Variants in PLAA observed in about 807,000 individuals in gnomAD.
PLAA encodes the protein phospholipase A-2-activating protein.
A neutral mutation model predicts 84.1 loss-of-function variants in PLAA; 48 were observed. The observed-to-expected ratio is 0.57, with a 90% CI of 0.45 to 0.73. The LOEUF (loss-of-function observed/expected upper bound fraction) is 0.73, where lower values mean the gene tolerates loss of function less well. PLAA is among the 30% of genes least tolerant of loss of function. PLAA has a pLI of 0.00. For synonymous variants in PLAA, 392 were observed against 336.6 expected, an observed-to-expected ratio of 1.16 and a Z score of -1.80; for missense variants, 903 against 954.7, an observed-to-expected ratio of 0.95 and a Z score of 0.71.
At chr9:26,907,080 T>TA (rs952190756) in intron 13 of PLAA, among the ~76,000 whole-genome samples, 8 of 121,714 alleles carry the variant, frequency 6.6e-5, no homozygotes, top group African/African-American at 1.6e-4. Flanking sequence ...ATCAGTGGCA[T>TA]AAAAAAAAAT....
intron 2 of PLAA, among the ~76,000 whole-genome samples, chr9:26,933,485 A>G (rs933641901): frequency 6.6e-6 from 1 of 151,846 alleles, no homozygotes; most frequent in South Asian, 2.1e-4. Flanking sequence ...AAAATAATTT[A>G]AAATAAAAAA....
At chr9:26,937,045 G>A (rs1042543112) in intron 1 of PLAA, among the ~76,000 whole-genome samples, 5 of 152,062 alleles carry the variant, frequency 3.3e-5, no homozygotes, top group East Asian at 1.9e-4. Flanking sequence ...GGAGGCCGAG[G>A]CAAGAGAATC....
At chr9:26,920,781 C>A (rs1483717070) in intron 7 of PLAA, among the ~76,000 whole-genome samples, 3 of 152,158 alleles carry the variant, frequency 2.0e-5, no homozygotes, top group Admixed American at 6.5e-5. Context: ...TCTCAGCACC[C>A]CCTTCAGCTA....
At chr9:26,943,974 A>G (rs1298966251) in intron 1 of PLAA, among the ~76,000 whole-genome samples, 1 of 152,146 alleles carries the variant, frequency 6.6e-6, no homozygotes, top group Non-Finnish European at 1.5e-5. Flanking sequence ...AATCACACAA[A>G]TATTCTATTA....
rs778429815 is a variant in PLAA at position 26,928,184 on chromosome 9, G to A, written c.481C>T (p.Pro161Ser). The A allele has an allele frequency of 1.2e-5, 19 of 1,614,144 alleles. 1 individual carries two copies. Among genetic ancestry groups the A allele is most frequent in the Non-Finnish European group, 1.5e-5 (18 of 1,180,016 alleles). Residue 161 changes from proline (P) to serine (S), a missense_variant, in exon 4 of 14, where the codon CCT becomes TCT. Pro to Ser is a moderately conservative substitution (Grantham distance 74). Transcript: ENST00000397292. The part of the protein sequence containing the change: ...TAAVWAVKIL[P>S]EQGLMLTGSA... ...CCAGTCAACATTAAGCCCTGTTCAGGTAAGATCTTTACCGCCCACACTGCA... is the reference window on the plus strand; with the variant it reads ...CCAGTCAACATTAAGCCCTGTTCAGATAAGATCTTTACCGCCCACACTGCA...
At position 26,935,332 on chromosome 9, in the gene PLAA, T is replaced by C. The variant is rs937127411; in HGVS notation, c.150-126A>G. The C allele has an allele frequency of 9.9e-6, 5 of 504,880 alleles. 1 individual carries two copies. Among genetic ancestry groups the C allele is most frequent in the South Asian group, 9.6e-5 (2 of 20,804 alleles). The allele number at this position is 504,880 out of a possible 1,614,324, so 31.3% of individuals were successfully genotyped here. A position where few individuals can be genotyped will look rare whatever the true frequency, so the allele number is the denominator to read the frequency against. On this transcript the variant is annotated intron_variant, in intron 1 of 13. Coordinates refer to ENST00000397292, the MANE Select transcript of PLAA (RefSeq NM_001031689.3). ...TTTAGAGTATATACTATCTTAAGAA[T>C]CTATTGTTTTAAAATTGAACCTTAC...
rs909179918 is a variant in PLAA, at chr9:26,922,955, A to T, written c.1039+223T>A. On this transcript the variant is annotated intron_variant, in intron 7 of 13. Coordinates refer to ENST00000397292, the MANE Select transcript of PLAA (RefSeq NM_001031689.3). ...CTGTAAATGATCTAAGTGTTGGGAG[A>T]TTTATTTTTTAATTCCTGTTTATGA... Among the ~76,000 whole-genome samples, 14 of 152,204 alleles carry T rather than the reference A, an allele frequency of 9.2e-5. No individual in the cohort carries two copies. The East Asian group carries it at 2.7e-3, about 29-fold the overall frequency.
Position 26,919,050 on chromosome 9 carries a change from T to G in PLAA, c.1417+260A>C, listed in dbSNP as rs576798792. On this transcript the variant is annotated intron_variant, in intron 9 of 13. Transcript: ENST00000397292. ...AAAAGAAACACTATATAAAAGAACT[T>G]ACAAGTTTATTTTTGTTTCAAATAA... 3.0e-5 allele frequency: 10 copies of G among 337,012 alleles called. 1 individual carries two copies. In the East Asian group the frequency reaches 4.3e-4, roughly 15 times the overall value. The allele number at this position is 337,012 out of a possible 1,614,324, so 20.9% of individuals were successfully genotyped here.
chr9:26,928,377 T>C lies in PLAA; in HGVS notation c.375A>G (p.Thr125=), dbSNP rs760701870. 6.2e-7 allele frequency: 1 copy of C among 1,613,798 alleles called. No homozygotes were observed. The highest frequency in any genetic ancestry group is 1.1e-5 in the South Asian group (1 of 91,084). ...TGGTGTCCCATGAACCACTAAGTAA[T>C]GTCCCAAATTTTCCAGATGATAGAC... is the stretch of plus-strand genomic sequence containing the variant. ...VCSLSSGKFG[T]LLSGSWDTTA... Residue 125 remains threonine, a synonymous_variant, in exon 3 of 14, where the codon ACA becomes ACG. Coordinates refer to ENST00000397292, the MANE Select transcript of PLAA (RefSeq NM_001031689.3).
chr9:26,925,130 G>C lies in PLAA; in HGVS notation c.869+695C>G, dbSNP rs565146447. On this transcript the variant is annotated intron_variant, in intron 6 of 13. Coordinates refer to ENST00000397292, the MANE Select transcript of PLAA (RefSeq NM_001031689.3). ...TTATTTCCTACCCATTAGCATTGTG[G>C]GGCCAATGTCTTATAACTTCACACT... 2.6e-5 allele frequency among the ~76,000 whole-genome samples: 4 copies of C among 152,112 alleles called. No individual in the cohort carries two copies. The East Asian group carries it at 7.7e-4, about 29-fold the overall frequency.
chr9:26,913,021 G>A (rs917552541), intron 11 of PLAA, among the ~76,000 whole-genome samples: 4 of 152,128 alleles, frequency 2.6e-5, no homozygotes, highest in African/African-American at 7.2e-5. Context: ...CCAGGAGTTT[G>A]AGCCCAGCCC....
chr9:26,915,755 T>C (rs1245207793), intron 10 of PLAA: 3 of 985,188 alleles, frequency 3.0e-6, no homozygotes, highest in East Asian at 1.1e-4. Flanking sequence ...ACTGACATTA[T>C]GGAACAGTGA....
At chr9:26,946,165 T>C (rs1825701552) in intron 1 of PLAA, among the ~76,000 whole-genome samples, 1 of 152,170 alleles carries the variant, frequency 6.6e-6, no homozygotes, top group Non-Finnish European at 1.5e-5. Flanking sequence ...TTTTTCTTTC[T>C]CTGAACTGCA....
intron 6 of PLAA, among the ~76,000 whole-genome samples, chr9:26,923,644 A>G (rs924576757): frequency 6.6e-6 from 1 of 152,172 alleles, no homozygotes; most frequent in Non-Finnish European, 1.5e-5. Flanking sequence ...TAAAGTCAAT[A>G]TTTTTTAGTT....
chr9:26,922,668 C>CA (rs1250074277), intron 7 of PLAA, among the ~76,000 whole-genome samples: 1 of 147,866 alleles, frequency 6.8e-6, no homozygotes, highest in African/African-American at 2.6e-5. Flanking sequence ...GATTTTAACT[C>CA]ATTTTTTTTT....
chr9:26,907,027 C>T (rs1342691837), intron 13 of PLAA, among the ~76,000 whole-genome samples: 1 of 107,100 alleles, frequency 9.3e-6, no homozygotes, highest in Non-Finnish European at 1.8e-5. Context: ...TAATATGGGA[C>T]ATTTTATTGA....
At chr9:26,941,598 G>C (rs1825545799) in intron 1 of PLAA, among the ~76,000 whole-genome samples, 1 of 151,854 alleles carries the variant, frequency 6.6e-6, no homozygotes, top group Non-Finnish European at 1.5e-5. Context: ...ATAGAGATGA[G>C]AAAAAAACCA....
chr9:26,944,623 T>C (rs996488307), intron 1 of PLAA, among the ~76,000 whole-genome samples: 1 of 152,214 alleles, frequency 6.6e-6, no homozygotes, highest in African/African-American at 2.4e-5. Context: ...CCTCATAATG[T>C]TTTAAGAAAG....
intron 2 of PLAA, among the ~76,000 whole-genome samples, chr9:26,929,852 T>A (rs1053026881): frequency 1.3e-5 from 2 of 152,158 alleles, no homozygotes; most frequent in Admixed American, 1.3e-4. Flanking sequence ...TGAAGCTGAA[T>A]CGTTGATGAC....
Sources: gnomAD v4.1 joint callset for allele counts (sites outside exome capture counted in the v4.1 genomes callset) on GRCh38, gnomAD v4.1.1 for gene constraint, MANE v1.5 for transcripts, NCBI Gene and HGNC (gene_info 2026-07-23, HGNC 2026-07-21) for gene names.